Variants in IL1RAPL1 observed in about 807,000 individuals in gnomAD.
The protein encoded by IL1RAPL1 is interleukin-1 receptor accessory protein-like 1.
A neutral mutation model predicts 48.4 loss-of-function variants in IL1RAPL1; 3 were observed. The ratio of observed to expected loss-of-function variants is 0.06; its 90% confidence interval spans 0.03 to 0.16. The LOEUF (loss-of-function observed/expected upper bound fraction) is 0.16, where lower values mean the gene tolerates loss of function less well. Ranked by LOEUF, IL1RAPL1 falls within the 10% of genes least tolerant of loss-of-function variation. The probability of loss-of-function intolerance (pLI) is 1.00; values close to 1 mark genes in which losing one functional copy is unlikely to be tolerated. For missense variants in IL1RAPL1, 349 were observed against 530.6 expected, an observed-to-expected ratio of 0.66 and a Z score of 3.36; for synonymous variants, 185 against 187.7, an observed-to-expected ratio of 0.99 and a Z score of 0.12.
intron 5 of IL1RAPL1, among the ~76,000 whole-genome samples, chrX:29,645,192 G>A (rs1344930421): frequency 9.0e-6 from 1 of 111,532 alleles, no homozygotes; most frequent in East Asian, 2.8e-4. Flanking sequence ...TTTCAGTGGG[G>A]TGGAGGGTGG....
At chrX:29,693,433 A>G (rs1273827091) in intron 6 of IL1RAPL1, among the ~76,000 whole-genome samples, 1 of 107,582 alleles carries the variant, frequency 9.3e-6, no homozygotes, top group Admixed American at 9.9e-5. Flanking sequence ...AAATCCCTTC[A>G]TTTATATTTC....
chrX:28,596,209 G>A (rs1169399661), intron 1 of IL1RAPL1, among the ~76,000 whole-genome samples: 1 of 111,573 alleles, frequency 9.0e-6, no homozygotes, highest in Admixed American at 9.5e-5. Context: ...TACATTATAC[G>A]TAGAGACAAA....
At position 29,332,107 on chromosome X, in the gene IL1RAPL1, T is replaced by TTTTA. The variant is rs1373818787; in HGVS notation, c.362+48893_362+48894insATTT. Among the ~76,000 whole-genome samples the TTTTA allele has an allele frequency of 6.3e-5, 6 of 95,835 alleles. No homozygotes were observed. In the East Asian group the frequency reaches 2.0e-3, roughly 31 times the overall value. 83.2% of individuals were successfully genotyped at this position (95,835 alleles called of 115,157 possible). ...ACTATTCTAAGGTCTTTTTTTTTTT[T>TTTTA]TTTTTTTTTTTTTTAGATTCTATAT... On this transcript the variant is annotated intron_variant, in intron 3 of 10. Transcript: ENST00000378993.
At chrX:28,670,621 G>A (rs950379441) in intron 1 of IL1RAPL1, among the ~76,000 whole-genome samples, 1 of 111,805 alleles carries the variant, frequency 8.9e-6, no homozygotes, top group African/African-American at 3.3e-5. Flanking sequence ...ATAAACTTAA[G>A]TAAGTCACTT....
At chrX:29,187,969 T>C (rs1405458384) in intron 2 of IL1RAPL1, among the ~76,000 whole-genome samples, 1 of 112,046 alleles carries the variant, frequency 8.9e-6, no homozygotes, top group Non-Finnish European at 1.9e-5. Flanking sequence ...AGAGCTCTAC[T>C]CTACCAATTA....
At chrX:29,095,382 G>A (rs1436550789) in intron 2 of IL1RAPL1, among the ~76,000 whole-genome samples, 1 of 110,965 alleles carries the variant, frequency 9.0e-6, no homozygotes, top group East Asian at 2.8e-4. Context: ...CAGTGGCTTT[G>A]AGGTCTAGCT....
At chrX:28,888,251 C>T (rs1417160718) in intron 2 of IL1RAPL1, among the ~76,000 whole-genome samples, 14 of 100,456 alleles carry the variant, frequency 1.4e-4, no homozygotes, top group East Asian at 7.0e-4. Context: ...TAATAGGCCA[C>T]GTACTGGTAA....
chrX:29,931,008 C>T (rs1419962345), intron 8 of IL1RAPL1, among the ~76,000 whole-genome samples: 2 of 111,466 alleles, frequency 1.8e-5, no homozygotes, highest in African/African-American at 6.5e-5. Context: ...TATACCAGTA[C>T]AGAGGCCACT....
chrX:29,677,606 G>A (rs1926321921), intron 6 of IL1RAPL1, among the ~76,000 whole-genome samples: 1 of 111,602 alleles, frequency 9.0e-6, no homozygotes, highest in African/African-American at 3.3e-5. Flanking sequence ...GTAAGATGAG[G>A]TTCATCGATA....
At chrX:28,867,177 A>G (rs1922097746) in intron 2 of IL1RAPL1, among the ~76,000 whole-genome samples, 1 of 112,113 alleles carries the variant, frequency 8.9e-6, no homozygotes, top group Non-Finnish European at 1.9e-5. Flanking sequence ...ATGCATCATC[A>G]TGTGAGGCAG....
chrX:29,776,692 T>TA (rs1929206744), intron 6 of IL1RAPL1, among the ~76,000 whole-genome samples: 2 of 111,982 alleles, frequency 1.8e-5, no homozygotes, highest in African/African-American at 6.5e-5. Flanking sequence ...TAATTTAGAC[T>TA]ATTTTATGGT....
At chrX:29,707,643 G>C (rs908221577) in intron 6 of IL1RAPL1, among the ~76,000 whole-genome samples, 2 of 111,831 alleles carry the variant, frequency 1.8e-5, no homozygotes, top group East Asian at 5.6e-4. Flanking sequence ...TAGCAACCTG[G>C]ATGGAATTGG....
chrX:28,949,861 T>A (rs1173553197), intron 2 of IL1RAPL1, among the ~76,000 whole-genome samples: 1 of 110,094 alleles, frequency 9.1e-6, no homozygotes, highest in Non-Finnish European at 1.9e-5. Flanking sequence ...ATGAGTAGGT[T>A]GCGAAAATTT....
chrX:29,919,036 G>A (rs1932826094), intron 7 of IL1RAPL1, among the ~76,000 whole-genome samples: 1 of 111,147 alleles, frequency 9.0e-6, no homozygotes, highest in African/African-American at 3.3e-5. Context: ...TTTATCAAAG[G>A]TAAAAAAGAA....
At chrX:29,858,185 C>G (rs1178061039) in intron 6 of IL1RAPL1, among the ~76,000 whole-genome samples, 2 of 111,535 alleles carry the variant, frequency 1.8e-5, no homozygotes, top group African/African-American at 6.5e-5. Context: ...CAGAAACACC[C>G]TTCTATGAGA....
At chrX:28,964,252 A>G (rs777467221) in intron 2 of IL1RAPL1, among the ~76,000 whole-genome samples, 6 of 111,733 alleles carry the variant, frequency 5.4e-5, no homozygotes, top group Non-Finnish European at 7.5e-5. Flanking sequence ...AGACTTGCCT[A>G]TCCACTTTTA....
chrX:28,893,989 G>A (rs765704345), intron 2 of IL1RAPL1, among the ~76,000 whole-genome samples: 42 of 111,912 alleles, frequency 3.8e-4, no homozygotes, highest in African/African-American at 1.0e-3. Flanking sequence ...CACCTTATCA[G>A]CATAAGCGTT....
intron 1 of IL1RAPL1, among the ~76,000 whole-genome samples, chrX:28,629,905 G>T (rs1307302566): frequency 9.0e-6 from 1 of 111,696 alleles, no homozygotes; most frequent in African/African-American, 3.3e-5. Context: ...TCAACTTGTG[G>T]CAGCTTTGAA....
intron 5 of IL1RAPL1, among the ~76,000 whole-genome samples, chrX:29,621,412 A>C (rs1249572310): frequency 9.0e-6 from 1 of 111,189 alleles, no homozygotes; most frequent in East Asian, 2.8e-4. Context: ...GCATTTGTGT[A>C]ATTGGATATA....
Sources: gnomAD v4.1 joint callset for allele counts (sites outside exome capture counted in the v4.1 genomes callset) on GRCh38, gnomAD v4.1.1 for gene constraint, MANE v1.5 for transcripts, NCBI Gene and HGNC (gene_info 2026-07-23, HGNC 2026-07-21) for gene names.